PRUNE2: variants seen among roughly 807,000 people sequenced by gnomAD.
The protein encoded by PRUNE2 is protein prune homolog 2.
PRUNE2 carries 164 observed loss-of-function variants against 252.0 expected under a neutral mutation model. The ratio of observed to expected loss-of-function variants is 0.65; its 90% confidence interval spans 0.57 to 0.74. The LOEUF (loss-of-function observed/expected upper bound fraction) is 0.74. Ranked by LOEUF, PRUNE2 falls within the 30% of genes least tolerant of loss-of-function variation. The pLI is 0.00. For missense variants in PRUNE2, 3,495 were observed against 3,711.0 expected, an observed-to-expected ratio of 0.94 and a Z score of 1.51; for synonymous variants, 1,292 against 1,350.2, an observed-to-expected ratio of 0.96 and a Z score of 0.94.
intron 15 of PRUNE2, 32 bp downstream of exon 15, chr9:76,636,439 G>C: frequency 2.5e-6 from 3 of 1,194,288 alleles, no homozygotes; most frequent in Non-Finnish European, 2.4e-6. Flanking sequence ...ACTACTAGTA[G>C]TACTTTTATT....
intron 8 of PRUNE2, 40 bp downstream of exon 8, chr9:76,704,721 C>G (rs1413893210): frequency 7.4e-7 from 1 of 1,356,184 alleles, no homozygotes; most frequent in African/African-American, 1.5e-5. Context: ...TTAATCAACG[C>G]AGCAGTTTCT....
chr9:76,773,795 T>G (rs115526722), intron 6 of PRUNE2, among the ~76,000 whole-genome samples: 2,575 of 152,304 alleles, frequency 0.017, 63 homozygotes, highest in African/African-American at 0.052. Flanking sequence ...TTCCCTGTTC[T>G]ATGTTTCAAC....
intron 9 of PRUNE2, among the ~76,000 whole-genome samples, chr9:76,683,775 G>A (rs1271903935): frequency 6.6e-6 from 1 of 151,936 alleles, no homozygotes; most frequent in African/African-American, 2.4e-5. Flanking sequence ...GACAGGCCCT[G>A]AAACCTGATG....
chr9:76,729,012 T>G (rs1470073915), intron 6 of PRUNE2, among the ~76,000 whole-genome samples: 1 of 152,218 alleles, frequency 6.6e-6, no homozygotes, highest in Non-Finnish European at 1.5e-5. Flanking sequence ...CAGGGACAGT[T>G]TGGAGATTGT....
chr9:76,850,253 G>A (rs568231709), intron 3 of PRUNE2, among the ~76,000 whole-genome samples: 1 of 152,202 alleles, frequency 6.6e-6, no homozygotes, highest in East Asian at 1.9e-4. Flanking sequence ...CACCATGTTG[G>A]TCAGGCTGGT....
At chr9:76,695,963 G>A (rs1004527576) in intron 9 of PRUNE2, among the ~76,000 whole-genome samples, 2 of 152,124 alleles carry the variant, frequency 1.3e-5, no homozygotes, top group East Asian at 1.9e-4. Context: ...CAGAGTTCTC[G>A]ACACTGGCAG....
intron 9 of PRUNE2, among the ~76,000 whole-genome samples, chr9:76,666,582 A>G (rs1277368679): frequency 6.6e-6 from 1 of 152,102 alleles, no homozygotes; most frequent in Admixed American, 6.5e-5. Flanking sequence ...CCCCCTGTCC[A>G]GTGGACACGT....
chr9:76,886,715 C>G (rs1589774455), intron 1 of PRUNE2, among the ~76,000 whole-genome samples: 1 of 152,322 alleles, frequency 6.6e-6, no homozygotes, highest in East Asian at 1.9e-4. Flanking sequence ...GGTGAACACA[C>G]AACCTAAAAA....
chr9:76,618,000 G>T (rs916160369), intron 18 of PRUNE2, among the ~76,000 whole-genome samples: 1 of 152,198 alleles, frequency 6.6e-6, no homozygotes, highest in African/African-American at 2.4e-5. Context: ...AGAATTTCAT[G>T]TGCCAATTTC....
chr9:76,693,294 G>C (rs1439396457), intron 9 of PRUNE2, among the ~76,000 whole-genome samples: 1 of 150,942 alleles, frequency 6.6e-6, no homozygotes, highest in Non-Finnish European at 1.5e-5. Flanking sequence ...TGATGGGGGG[G>C]GCAGGTGAGG....
chr9:76,814,337 A>G (rs777876568), intron 6 of PRUNE2, among the ~76,000 whole-genome samples: 10 of 152,188 alleles, frequency 6.6e-5, no homozygotes, highest in Non-Finnish European at 1.3e-4. Context: ...TCTCTTAGAA[A>G]ACATGTGGCA....
At chr9:76,621,117 C>A (rs192201782) in intron 17 of PRUNE2, among the ~76,000 whole-genome samples, 1 of 151,644 alleles carries the variant, frequency 6.6e-6, no homozygotes, top group Non-Finnish European at 1.5e-5. Context: ...GGGCATAAAG[C>A]AAAACAGTGG....
At chr9:76,773,320 C>G (rs1589141247) in intron 6 of PRUNE2, among the ~76,000 whole-genome samples, 2 of 152,012 alleles carry the variant, frequency 1.3e-5, no homozygotes, top group African/African-American at 4.8e-5. Flanking sequence ...GGGAGAATAC[C>G]AGAATGAAGA....
intron 6 of PRUNE2, among the ~76,000 whole-genome samples, chr9:76,791,586 A>G (rs1185359512): frequency 1.4e-5 from 2 of 146,424 alleles, no homozygotes; most frequent in Non-Finnish European, 3.0e-5. Flanking sequence ...TGGTACAATA[A>G]TACTGCACCA....
At chr9:76,844,733 T>C (rs989561480) in intron 4 of PRUNE2, among the ~76,000 whole-genome samples, 1 of 152,116 alleles carries the variant, frequency 6.6e-6, no homozygotes, top group East Asian at 1.9e-4. Flanking sequence ...AGTAACAGTA[T>C]TGGCAGGCTT....
At chr9:76,641,743 C>T (rs1240769625) in intron 12 of PRUNE2, among the ~76,000 whole-genome samples, 2 of 152,002 alleles carry the variant, frequency 1.3e-5, no homozygotes, top group East Asian at 1.9e-4. Context: ...AGCAACCCCC[C>T]CCCAGGAGTC....
intron 16 of PRUNE2, 102 bp from the exon 17 acceptor site, chr9:76,624,592 T>G (rs1014852404): frequency 1.3e-6 from 1 of 785,608 alleles, no homozygotes; most frequent in Non-Finnish European, 1.8e-6. Flanking sequence ...AAGTGGTGCA[T>G]ATGTGCTTTT....
intron 11 of PRUNE2, among the ~76,000 whole-genome samples, chr9:76,646,437 A>G (rs1001576327): frequency 3.3e-5 from 5 of 152,162 alleles, no homozygotes; most frequent in Non-Finnish European, 1.5e-5. Context: ...TGCCAACACC[A>G]ACAGCTACCA....
At chr9:76,770,026 A>T (rs1457419075) in intron 6 of PRUNE2, among the ~76,000 whole-genome samples, 1 of 152,248 alleles carries the variant, frequency 6.6e-6, no homozygotes, top group African/African-American at 2.4e-5. Flanking sequence ...AAAATTTATT[A>T]GCATCATAAC....
Sources: allele counts gnomAD v4.1 joint callset (sites outside exome capture counted in the v4.1 genomes callset), GRCh38; gene constraint gnomAD v4.1.1; transcripts MANE v1.5; gene names NCBI Gene and HGNC (gene_info 2026-07-23, HGNC 2026-07-21).